The following ITPR2 variants were observed in gnomAD, a reference collection of about 807,000 sequenced individuals.
ITPR2 encodes inositol 1,4,5-trisphosphate receptor type 2.
ITPR2 carries 207 observed loss-of-function variants against 317.1 expected under a neutral mutation model. The observed-to-expected ratio is 0.65, with a 90% CI of 0.58 to 0.73. The LOEUF (loss-of-function observed/expected upper bound fraction) is 0.73, where lower values mean the gene tolerates loss of function less well. Among genes scored for constraint, ITPR2 ranks in the 30% least tolerant of loss-of-function variants. The pLI is 0.00. For missense variants in ITPR2, 2,613 were observed against 3,284.0 expected, an observed-to-expected ratio of 0.80 and a Z score of 4.99; for synonymous variants, 1,156 against 1,149.1, an observed-to-expected ratio of 1.01 and a Z score of -0.12.
Position 26,339,286 on chromosome 12 carries a change from GT to G in ITPR2, c.*110del. 1 of 885,792 alleles carries G rather than the reference GT, an allele frequency of 1.1e-6. No homozygotes were observed. The highest frequency in any genetic ancestry group is 1.8e-6 in the Non-Finnish European group (1 of 557,264). The allele number at this position is 885,792 out of a possible 1,614,324, so 54.9% of individuals were successfully genotyped here. On this transcript the variant is annotated 3_prime_UTR_variant, in exon 57 of 57. Coordinates refer to ENST00000381340, the MANE Select transcript of ITPR2 (RefSeq NM_002223.4). ...CCACTCAACATCTTGGCACTTGGTTGTTTTTAACTTTTCAACAATAGGCACT... is the reference window on the plus strand; with the variant it reads ...CCACTCAACATCTTGGCACTTGGTTGTTTTAACTTTTCAACAATAGGCACT...
At chr12:26,600,131 A>G (rs573474847) in intron 28 of ITPR2, 22 bp from the exon 29 acceptor site, 100 of 1,595,162 alleles carry the variant, frequency 6.3e-5, no homozygotes, top group Admixed American at 3.5e-4. Flanking sequence ...AGAATAGCAC[A>G]TGATAGAAAC....
intron 2 of ITPR2, among the ~76,000 whole-genome samples, chr12:26,736,004 A>T (rs1175758364): frequency 6.6e-6 from 1 of 152,156 alleles, no homozygotes; most frequent in Non-Finnish European, 1.5e-5. Context: ...TTTACATGTA[A>T]CTCTATATTC....
chr12:26,680,974 A>G (rs893647088), intron 13 of ITPR2, among the ~76,000 whole-genome samples: 6 of 152,208 alleles, frequency 3.9e-5, no homozygotes, highest in Non-Finnish European at 8.8e-5. Context: ...AGGTGCATAC[A>G]TCAATTATCA....
intron 2 of ITPR2, among the ~76,000 whole-genome samples, chr12:26,737,564 T>C (rs1949148797): frequency 6.6e-6 from 1 of 152,174 alleles, no homozygotes; most frequent in Non-Finnish European, 1.5e-5. Context: ...ACCTTCTATT[T>C]TTCAATGGAA....
At chr12:26,549,905 G>T (rs1944482928) in intron 37 of ITPR2, among the ~76,000 whole-genome samples, 1 of 151,834 alleles carries the variant, frequency 6.6e-6, no homozygotes, top group South Asian at 2.1e-4. Context: ...GTATGTGGCA[G>T]AACTTTACAC....
chr12:26,478,957 T>C (rs1010762438), intron 43 of ITPR2, among the ~76,000 whole-genome samples: 1 of 151,972 alleles, frequency 6.6e-6, no homozygotes, highest in Non-Finnish European at 1.5e-5. Flanking sequence ...AATAAAACCT[T>C]AATAATTTTT....
intron 33 of ITPR2, 32 bp from the exon 34 acceptor site, chr12:26,578,865 A>G (rs774522699): frequency 1.3e-6 from 2 of 1,580,778 alleles, no homozygotes; most frequent in Non-Finnish European, 1.7e-6. Flanking sequence ...GCAAAAAGAG[A>G]TGCTAAACCA....
At chr12:26,392,258 G>A (rs1434975253) in intron 54 of ITPR2, among the ~76,000 whole-genome samples, 5 of 152,098 alleles carry the variant, frequency 3.3e-5, no homozygotes, top group African/African-American at 1.2e-4. Context: ...CTCTGTTAAT[G>A]AAGTCCTTGT....
Position 26,663,596 on chromosome 12 carries a change from T to C in ITPR2, c.1713+89A>G, listed in dbSNP as rs936973601. 1.7e-5 allele frequency: 21 copies of C among 1,207,136 alleles called. No individual in the cohort carries two copies. The Admixed American group carries it at 3.2e-4, about 18-fold the overall frequency. The allele number at this position is 1,207,136 out of a possible 1,614,324, so 74.8% of individuals were successfully genotyped here. ...TTCATTTCAAAGTGAAATTTCCCAT[T>C]CCTACTTTCTATGCTGTAGAATTAT... On this transcript the variant is annotated intron_variant, in intron 15 of 56. Coordinates refer to ENST00000381340, the MANE Select transcript of ITPR2 (RefSeq NM_002223.4).
At chr12:26,617,576 G>A (rs1412680554) in intron 26 of ITPR2, among the ~76,000 whole-genome samples, 1 of 147,890 alleles carries the variant, frequency 6.8e-6, no homozygotes, top group Non-Finnish European at 1.5e-5. Flanking sequence ...ACTACTGCTT[G>A]ATAGGAACAG....
chr12:26,638,826 C>T (rs768767435), intron 21 of ITPR2, among the ~76,000 whole-genome samples: 2 of 152,140 alleles, frequency 1.3e-5, no homozygotes. Flanking sequence ...TTAAATCCAA[C>T]ATGGTAAATT....
chr12:26,538,476 C>T (rs538804802), intron 37 of ITPR2, among the ~76,000 whole-genome samples: 3 of 152,260 alleles, frequency 2.0e-5, no homozygotes, highest in African/African-American at 4.8e-5. Context: ...TATTTAATTC[C>T]CTACTATGTG....
Position 26,565,484 on chromosome 12 carries a change from T to TGACA in ITPR2, c.4631-3533_4631-3532insTGTC, listed in dbSNP as rs1944927106. ...AAAATTGGATGAATAGATAGACAGATGATAGATAGATAGATAGATAGATAG... is the reference window on the plus strand; with the variant it reads ...AAAATTGGATGAATAGATAGACAGATGACAGATAGATAGATAGATAGATAGATAG... On this transcript the variant is annotated intron_variant, in intron 34 of 56. Transcript: ENST00000381340. 2.9e-5 allele frequency among the ~76,000 whole-genome samples: 4 copies of TGACA among 138,852 alleles called. No individual in the cohort carries two copies. In the South Asian group the frequency reaches 9.9e-4, roughly 34 times the overall value. 91.1% of individuals were successfully genotyped at this position (138,852 alleles called of 152,430 possible).
chr12:26,715,215 G>T (rs1322919432), intron 8 of ITPR2, 84 bp downstream of exon 8: 1 of 1,178,908 alleles, frequency 8.5e-7, no homozygotes, highest in Non-Finnish European at 1.2e-6. Flanking sequence ...CATAAATGAT[G>T]CCTATAACAA....
chr12:26,555,248 C>G (rs1944630886), intron 36 of ITPR2, among the ~76,000 whole-genome samples: 1 of 152,168 alleles, frequency 6.6e-6, no homozygotes, highest in Non-Finnish European at 1.5e-5. Flanking sequence ...TGCCCTAGTC[C>G]TTTAATCTCT....
chr12:26,370,522 C>A (rs1939153018), intron 55 of ITPR2, among the ~76,000 whole-genome samples: 2 of 152,170 alleles, frequency 1.3e-5, no homozygotes, highest in African/African-American at 2.4e-5. Context: ...AATGGACTTA[C>A]CTGCTAAAAT....
intron 1 of ITPR2, among the ~76,000 whole-genome samples, chr12:26,822,564 G>A (rs1439172165): frequency 6.6e-6 from 1 of 152,086 alleles, no homozygotes; most frequent in Non-Finnish European, 1.5e-5. Flanking sequence ...ATGTTTCCAG[G>A]CATTTATAAA....
intron 45 of ITPR2, among the ~76,000 whole-genome samples, chr12:26,450,449 T>TA (rs5797175): frequency 0.88 from 134,536 of 152,124 alleles, 59,570 homozygotes; most frequent in Non-Finnish European, 0.9. Context: ...AGGTCCTTCA[T>TA]AAGAACACAG....
intron 34 of ITPR2, among the ~76,000 whole-genome samples, chr12:26,566,029 G>A (rs545712664): frequency 7.7e-5 from 10 of 129,512 alleles, no homozygotes; most frequent in African/African-American, 2.7e-4. Context: ...AAGGAGGAGA[G>A]GAAAGGAGAA....
Sources: allele counts gnomAD v4.1 joint callset (sites outside exome capture counted in the v4.1 genomes callset), GRCh38; gene constraint gnomAD v4.1.1; transcripts MANE v1.5; gene names NCBI Gene and HGNC (gene_info 2026-07-23, HGNC 2026-07-21).